Variants in SPOCK3 observed in about 807,000 individuals in gnomAD.
The protein encoded by SPOCK3 is testican-3.
In SPOCK3, 30 loss-of-function variants were observed where a neutral mutation model predicts 56.6. That is an observed-to-expected ratio of 0.53 (90% CI 0.40 to 0.72). The LOEUF is 0.72. Among genes scored for constraint, SPOCK3 ranks in the 30% least tolerant of loss-of-function variants. SPOCK3 has a pLI of 0.00. For missense variants in SPOCK3, 527 were observed against 530.0 expected, an observed-to-expected ratio of 0.99 and a Z score of 0.06; for synonymous variants, 196 against 183.3, an observed-to-expected ratio of 1.07 and a Z score of -0.56.
chr4:166,934,333 C>CAAA (rs34556103), intron 4 of SPOCK3, among the ~76,000 whole-genome samples: 2,272 of 140,274 alleles, frequency 0.016, 31 homozygotes, highest in African/African-American at 0.03. Context: ...ACTAAAAATA[C>CAAA]AAAAAAAAAA....
At chr4:167,192,892 T>C (rs1732596194) in intron 2 of SPOCK3, among the ~76,000 whole-genome samples, 2 of 146,086 alleles carry the variant, frequency 1.4e-5, no homozygotes, top group South Asian at 4.2e-4. Context: ...TTAATTTCCT[T>C]ATATTTGTGC....
chr4:166,892,210 A>G (rs1363429128), intron 5 of SPOCK3, among the ~76,000 whole-genome samples: 1 of 151,994 alleles, frequency 6.6e-6, no homozygotes, highest in East Asian at 1.9e-4. Context: ...TTTCTTTGGC[A>G]TAATTACAAT....
At chr4:167,203,595 A>T (rs997462982) in intron 2 of SPOCK3, among the ~76,000 whole-genome samples, 1 of 151,694 alleles carries the variant, frequency 6.6e-6, no homozygotes, top group Non-Finnish European at 1.5e-5. Context: ...TAAAGCAATG[A>T]GGAACCGTCC....
At chr4:167,035,599 G>A (rs1752676808) in intron 3 of SPOCK3, among the ~76,000 whole-genome samples, 1 of 152,100 alleles carries the variant, frequency 6.6e-6, no homozygotes, top group African/African-American at 2.4e-5. Context: ...TCTCACATGT[G>A]ATAGCAGGCT....
At chr4:167,134,531 C>T (rs940899015) in intron 2 of SPOCK3, among the ~76,000 whole-genome samples, 8 of 152,090 alleles carry the variant, frequency 5.3e-5, no homozygotes, top group Non-Finnish European at 1.2e-4. Context: ...GGTAGTTATT[C>T]ATATTATGGC....
intron 2 of SPOCK3, among the ~76,000 whole-genome samples, chr4:167,164,198 C>T (rs376039030): frequency 4.6e-5 from 7 of 152,108 alleles, no homozygotes; most frequent in African/African-American, 1.2e-4. Flanking sequence ...ATTCTAACTC[C>T]AATTTATTCA....
rs1733919895 is a variant in SPOCK3 at position 167,205,152 on chromosome 4, T to TTTA, written c.189+28832_189+28833insTAA. 2.1e-4 allele frequency among the ~76,000 whole-genome samples: 23 copies of TTTA among 111,130 alleles called. 1 individual carries two copies. The South Asian group carries it at 5.6e-3, about 27-fold the overall frequency. 72.9% of individuals were successfully genotyped at this position (111,130 alleles called of 152,430 possible). On this transcript the variant is annotated intron_variant, in intron 2 of 10. Coordinates refer to ENST00000357545, the MANE Select transcript of SPOCK3 (RefSeq NM_001040159.2). ...AAAAAAAAATACATATATATATATT[T>TTTA]TATATATATATAATATATATTATAT...
At chr4:167,130,525 C>T (rs998909105) in intron 2 of SPOCK3, among the ~76,000 whole-genome samples, 1 of 151,996 alleles carries the variant, frequency 6.6e-6, no homozygotes, top group Non-Finnish European at 1.5e-5. Context: ...CCTAATATGT[C>T]ATTTGTGAAA....
chr4:167,086,652 C>A (rs1758226486), intron 2 of SPOCK3, among the ~76,000 whole-genome samples: 1 of 151,972 alleles, frequency 6.6e-6, no homozygotes, highest in South Asian at 2.1e-4. Context: ...TCTTCCAAGC[C>A]CAGAGGAAGG....
intron 2 of SPOCK3, among the ~76,000 whole-genome samples, chr4:167,144,249 G>C (rs1431910584): frequency 6.6e-6 from 1 of 151,674 alleles, no homozygotes; most frequent in Admixed American, 6.6e-5. Context: ...GCTGCTAAAA[G>C]CACCCTAACA....
intron 3 of SPOCK3, among the ~76,000 whole-genome samples, chr4:167,008,207 AT>A (rs1749655473): frequency 1.3e-5 from 2 of 152,038 alleles, no homozygotes; most frequent in Admixed American, 6.6e-5. Flanking sequence ...GTCTAAAAAA[AT>A]GTACTAGATC....
At chr4:166,850,875 G>A (rs933355944) in intron 6 of SPOCK3, among the ~76,000 whole-genome samples, 6 of 152,246 alleles carry the variant, frequency 3.9e-5, no homozygotes, top group Admixed American at 6.5e-5. Context: ...CTGCAAGGTG[G>A]CAGCGAGGCT....
intron 8 of SPOCK3, among the ~76,000 whole-genome samples, chr4:166,748,889 C>T (rs1372938399): frequency 7.3e-6 from 1 of 137,466 alleles, no homozygotes; most frequent in South Asian, 2.2e-4. Flanking sequence ...AGAAAAAATG[C>T]TCATCATCAC....
intron 6 of SPOCK3, among the ~76,000 whole-genome samples, chr4:166,833,589 T>C (rs761519250): frequency 4.6e-5 from 7 of 152,236 alleles, no homozygotes; most frequent in Non-Finnish European, 8.8e-5. Context: ...TGGTTGGATT[T>C]AAAGCTACCA....
In SPOCK3 at chr4:167,059,210, A is replaced by G. The variant is rs181064387; in HGVS notation, c.235+3282T>C. On this transcript the variant is annotated intron_variant, in intron 3 of 10. Coordinates refer to ENST00000357545, the MANE Select transcript of SPOCK3 (RefSeq NM_001040159.2). ...AAAAGAAACTACCATCAGAGTGAACAGGCAACCTACAAAATGGGAGAAAAT... is the reference window on the plus strand; with the variant it reads ...AAAAGAAACTACCATCAGAGTGAACGGGCAACCTACAAAATGGGAGAAAAT... Among the ~76,000 whole-genome samples, 148 of 152,290 alleles carry G rather than the reference A, an allele frequency of 9.7e-4. 2 individuals are homozygous for G. The highest frequency in any genetic ancestry group is 3.1e-4 in the African/African-American group (13 of 41,556).
intron 3 of SPOCK3, among the ~76,000 whole-genome samples, chr4:167,010,869 C>T (rs935603949): frequency 6.6e-5 from 10 of 151,912 alleles, no homozygotes; most frequent in Admixed American, 3.3e-4. Context: ...GTGAGGAAGT[C>T]GAATGTCAAA....
intron 5 of SPOCK3, among the ~76,000 whole-genome samples, chr4:166,895,856 C>G (rs923893422): frequency 6.6e-6 from 1 of 152,076 alleles, no homozygotes. Flanking sequence ...CACAATTATA[C>G]AAACACATAA....
At chr4:166,889,597 T>G (rs1734553062) in intron 5 of SPOCK3, among the ~76,000 whole-genome samples, 1 of 151,976 alleles carries the variant, frequency 6.6e-6, no homozygotes. Flanking sequence ...GTACATCTCT[T>G]GAGCTTCTCA....
chr4:166,802,116 G>A (rs758236665), intron 6 of SPOCK3, among the ~76,000 whole-genome samples: 17 of 151,526 alleles, frequency 1.1e-4, no homozygotes, highest in Admixed American at 5.3e-4. Flanking sequence ...ACAAAACACC[G>A]AGAACACATA....
Sources: allele counts gnomAD v4.1 joint callset (sites outside exome capture counted in the v4.1 genomes callset), GRCh38; gene constraint gnomAD v4.1.1; transcripts MANE v1.5; gene names NCBI Gene and HGNC (gene_info 2026-07-23, HGNC 2026-07-21).